The following FBXW2 variants were observed in gnomAD, a reference collection of about 807,000 sequenced individuals.
The protein encoded by FBXW2 is F-box and WD repeat domain containing 2, also known as F-box/WD repeat-containing protein 2.
FBXW2 carries 12 observed loss-of-function variants against 46.0 expected under a neutral mutation model. The ratio of observed to expected loss-of-function variants is 0.26; its 90% confidence interval spans 0.17 to 0.42. FBXW2 has a LOEUF of 0.42. Ranked by LOEUF, FBXW2 falls within the 10% of genes least tolerant of loss-of-function variation. The pLI is 1.00. For missense variants in FBXW2, 360 were observed against 537.0 expected (o/e 0.67, Z 3.26); for synonymous variants, 203 against 209.6 (o/e 0.97, Z 0.27).
At chr9:120,791,437 A>C (rs1000478774) in intron 2 of FBXW2, among the ~76,000 whole-genome samples, 1 of 152,190 alleles carries the variant, frequency 6.6e-6, no homozygotes, top group African/African-American at 2.4e-5. Flanking sequence ...TGTCCAACTA[A>C]CTTTTAAGCT....
At chr9:120,775,970 G>T in intron 5 of FBXW2, 123 bp downstream of exon 5, 1 of 1,152,726 alleles carries the variant, frequency 8.7e-7, no homozygotes, top group Non-Finnish European at 1.2e-6. Flanking sequence ...GTACCATTAT[G>T]CTTTGTAGGT....
At chr9:120,781,883 C>T (rs1465886472) in intron 3 of FBXW2, among the ~76,000 whole-genome samples, 2 of 151,710 alleles carry the variant, frequency 1.3e-5, no homozygotes, top group Non-Finnish European at 2.9e-5. Context: ...ATTAGCCAGG[C>T]GTGGTGGCGC....
Position 120,772,829 on chromosome 9 carries a change from C to T in FBXW2, c.831G>A (p.Gln277=). Residue 277 remains glutamine, a synonymous_variant, in exon 6 of 8, where the codon CAG becomes CAA. Coordinates refer to ENST00000608872, the MANE Select transcript of FBXW2 (RefSeq NM_012164.4). ...GCAAGAGAGACTTGACTTTGCACTT[C>T]TGCAAAACTACCTGCAAATGTAAAC... ...HTEWVTKVVL[Q]KCKVKSLLHS... is the part of the protein sequence containing the mutation. The T allele has an allele frequency of 6.2e-7, 1 of 1,610,836 alleles. No individual in the cohort carries two copies. The highest frequency in any genetic ancestry group is 8.5e-7 in the Non-Finnish European group (1 of 1,177,614).
Position 120,772,811 on chromosome 9 carries a change from A to G in FBXW2, c.849T>C (p.Ser283=), listed in dbSNP as rs2044407700. ...KVVLQKCKVK[S]LLHSPGDYIL... ...TGTAGTCTCCAGGACTGTGCAAGAG[A>G]GACTTGACTTTGCACTTCTGCAAAA... Residue 283 remains serine, a synonymous_variant, in exon 6 of 8, where the codon TCT becomes TCC. Coordinates refer to ENST00000608872, the MANE Select transcript of FBXW2 (RefSeq NM_012164.4). The G allele has an allele frequency of 2.5e-6, 4 of 1,612,044 alleles. No individual in the cohort carries two copies. The highest frequency in any genetic ancestry group is 3.4e-6 in the Non-Finnish European group (4 of 1,179,228).
intron 5 of FBXW2, among the ~76,000 whole-genome samples, chr9:120,773,879 T>G (rs1452055645): frequency 1.3e-5 from 2 of 152,170 alleles, no homozygotes; most frequent in African/African-American, 2.4e-5. Flanking sequence ...CCTTACACTA[T>G]ATAGCTTTTC....
intron 7 of FBXW2, among the ~76,000 whole-genome samples, chr9:120,770,853 T>G (rs1488425031): frequency 6.6e-6 from 1 of 152,224 alleles, no homozygotes; most frequent in Non-Finnish European, 1.5e-5. Context: ...GTCTATGGAC[T>G]GCTGCTTATT....
intron 4 of FBXW2, 114 bp from the exon 5 acceptor site, chr9:120,776,340 G>GT (rs2044496629): frequency 2.5e-6 from 3 of 1,204,738 alleles, no homozygotes; most frequent in East Asian, 2.5e-5. Context: ...CAGAGACACC[G>GT]TAAGAATGAT....
rs184509664 is a variant in FBXW2, at chr9:120,787,345, A to C, written c.490+424T>G. Among the ~76,000 whole-genome samples the C allele has an allele frequency of 2.2e-4, 33 of 152,280 alleles. No homozygotes were observed. The East Asian group carries it at 3.1e-3, about 14-fold the overall frequency. Reference sequence around the variant, plus strand: ...CGCCCGACCTCCTTTCCCATATTTTAAAGATACAGAGAGGTTAAGTAATTT... The same window carrying C: ...CGCCCGACCTCCTTTCCCATATTTTCAAGATACAGAGAGGTTAAGTAATTT... On this transcript the variant is annotated intron_variant, in intron 3 of 7. Transcript: ENST00000608872.
At chr9:120,780,951 G>A (rs775821696) in intron 3 of FBXW2, among the ~76,000 whole-genome samples, 6 of 152,180 alleles carry the variant, frequency 3.9e-5, no homozygotes, top group Admixed American at 1.3e-4. Context: ...CTTAGGAACT[G>A]GCATGATTGG....
rs904269382 is a variant in FBXW2 at position 120,761,438 on chromosome 9, G to A, written c.*3121C>T. On this transcript the variant is annotated 3_prime_UTR_variant, in exon 8 of 8. Transcript: ENST00000608872. ...AGAAATGAGAATATTCACAAAAGAG[G>A]GAAAGGCAATTCCCTTACCTATGCG... 2 of 152,148 alleles carry A rather than the reference G, an allele frequency of 1.3e-5. No individual in the cohort carries two copies. Among genetic ancestry groups the A allele is most frequent in the Admixed American group, 1.3e-4 (2 of 15,266 alleles). 9.4% of individuals were successfully genotyped at this position (152,148 alleles called of 1,614,324 possible).
chr9:120,779,894 G>A (rs1374494649), intron 3 of FBXW2, among the ~76,000 whole-genome samples: 6 of 152,148 alleles, frequency 3.9e-5, no homozygotes, highest in African/African-American at 1.2e-4. Context: ...GCTCATGCCT[G>A]TAATCTCAGC....
chr9:120,766,574 C>T (rs1223039861), intron 7 of FBXW2, among the ~76,000 whole-genome samples: 2 of 152,302 alleles, frequency 1.3e-5, no homozygotes, highest in Non-Finnish European at 1.5e-5. Context: ...AAGCGATTCT[C>T]GTGCCTCAGC....
chr9:120,783,242 G>A lies in FBXW2; in HGVS notation c.490+4527C>T, dbSNP rs367747052. 4.8e-4 allele frequency among the ~76,000 whole-genome samples: 73 copies of A among 152,168 alleles called. 1 individual carries two copies. The highest frequency in any genetic ancestry group is 1.6e-3 in the African/African-American group (66 of 41,510). Reference sequence around the variant, plus strand: ...TTTATAGTGATGCAAGTCTACTCCTGAGAATCCTTTAGGAATCACTGTTCT... The same window carrying A: ...TTTATAGTGATGCAAGTCTACTCCTAAGAATCCTTTAGGAATCACTGTTCT... On this transcript the variant is annotated intron_variant, in intron 3 of 7. Coordinates refer to ENST00000608872, the MANE Select transcript of FBXW2 (RefSeq NM_012164.4).
chr9:120,776,329 C>T (rs2044496176), intron 4 of FBXW2, 103 bp from the exon 5 acceptor site: 2 of 1,309,016 alleles, frequency 1.5e-6, no homozygotes, highest in East Asian at 4.9e-5. Flanking sequence ...AATTTCCCAA[C>T]CAGAGACACC....
chr9:120,786,489 TA>T (rs1468217912), intron 3 of FBXW2, among the ~76,000 whole-genome samples: 1 of 152,232 alleles, frequency 6.6e-6, no homozygotes, highest in Non-Finnish European at 1.5e-5. Flanking sequence ...AGGAGTCAAT[TA>T]AACCTCTTTT....
chr9:120,781,032 A>G (rs2044600664), intron 3 of FBXW2, among the ~76,000 whole-genome samples: 1 of 151,240 alleles, frequency 6.6e-6, no homozygotes, highest in Admixed American at 6.6e-5. Context: ...AAAGAATATC[A>G]TGGCAAAAAA....
At chr9:120,770,590 G>C (rs1029002931) in intron 7 of FBXW2, among the ~76,000 whole-genome samples, 2 of 152,132 alleles carry the variant, frequency 1.3e-5, no homozygotes, top group African/African-American at 2.4e-5. Context: ...TGGTATACTA[G>C]GTCCTCATCA....
intron 4 of FBXW2, chr9:120,776,471 G>T: frequency 4.6e-6 from 2 of 433,068 alleles, no homozygotes; most frequent in South Asian, 5.9e-5. Flanking sequence ...TAGCTACAGT[G>T]AGAGGCAAAA....
In FBXW2 at chr9:120,784,919, C is replaced by CA. The variant is rs764551899; in HGVS notation, c.490+2849dup. Among the ~76,000 whole-genome samples the CA allele has an allele frequency of 9.3e-3, 633 of 67,814 alleles. 3 individuals are homozygous for CA. The highest frequency in any genetic ancestry group is 0.016 in the African/African-American group (287 of 17,710). The allele number at this position is 67,814 out of a possible 152,430, so 44.5% of individuals were successfully genotyped here. A position where few individuals can be genotyped will look rare whatever the true frequency, so the allele number is the denominator to read the frequency against. On this transcript the variant is annotated intron_variant, in intron 3 of 7. Coordinates refer to ENST00000608872, the MANE Select transcript of FBXW2 (RefSeq NM_012164.4). ...CCGGGTGACAGAGGAGCTCCTGTTT[C>CA]AAAAAAAAAAAAAAAAATGCTACAG...
Sources: gnomAD v4.1 joint callset for allele counts (sites outside exome capture counted in the v4.1 genomes callset) on GRCh38, gnomAD v4.1.1 for gene constraint, MANE v1.5 for transcripts, NCBI Gene and HGNC (gene_info 2026-07-23, HGNC 2026-07-21) for gene names.